The following PDE3A variants were observed in gnomAD, a reference collection of about 807,000 sequenced individuals.
PDE3A encodes cGMP-inhibited 3',5'-cyclic phosphodiesterase 3A.
In PDE3A, 43 loss-of-function variants were observed where a neutral mutation model predicts 98.3. The observed-to-expected ratio is 0.44, with a 90% CI of 0.34 to 0.56. The LOEUF (loss-of-function observed/expected upper bound fraction) is 0.56. PDE3A is among the 20% of genes least tolerant of loss of function. The probability of loss-of-function intolerance (pLI) is 0.01; values close to 1 mark genes in which losing one functional copy is unlikely to be tolerated. For synonymous variants in PDE3A, 663 were observed against 567.9 expected, an observed-to-expected ratio of 1.17 and a Z score of -2.38; for missense variants, 1,427 against 1,440.7, an observed-to-expected ratio of 0.99 and a Z score of 0.15.
intron 1 of PDE3A, among the ~76,000 whole-genome samples, chr12:20,532,911 C>T (rs1214783094): frequency 2.0e-5 from 3 of 152,012 alleles, no homozygotes; most frequent in East Asian, 1.9e-4. Flanking sequence ...CTCCTGACCT[C>T]GTGATCCGCC....
chr12:20,607,109 G>A (rs964906921), intron 2 of PDE3A, among the ~76,000 whole-genome samples: 1 of 151,816 alleles, frequency 6.6e-6, no homozygotes, highest in Non-Finnish European at 1.5e-5. Flanking sequence ...AAAGTAGACT[G>A]GATGAAGATA....
intron 1 of PDE3A, among the ~76,000 whole-genome samples, chr12:20,533,484 T>C (rs1002984628): frequency 2.7e-5 from 4 of 150,856 alleles, no homozygotes; most frequent in Middle Eastern, 3.4e-3. Flanking sequence ...TTTTCTTTTT[T>C]TTTTTTTTTT....
intron 10 of PDE3A, 58 bp from the exon 11 acceptor site, chr12:20,646,432 T>C (rs1213038640): frequency 1.1e-6 from 1 of 938,952 alleles, no homozygotes; most frequent in Non-Finnish European, 1.8e-6. Flanking sequence ...GATGGCACTC[T>C]TAGTTCTTGG....
In PDE3A at chr12:20,519,562, C is replaced by T. The variant is rs538686748; in HGVS notation, c.961-37098C>T. 9.2e-5 allele frequency among the ~76,000 whole-genome samples: 14 copies of T among 152,198 alleles called. No individual in the cohort carries two copies. The South Asian group carries it at 1.2e-3, about 14-fold the overall frequency. The stretch of plus-strand genomic sequence containing the variant: ...CATTAAGTTCTACATTTATGAAGTA[C>T]GCTTTGTGGAAAGTATTAATTTAAG... On this transcript the variant is annotated intron_variant, in intron 1 of 15. Coordinates refer to ENST00000359062, the MANE Select transcript of PDE3A (RefSeq NM_000921.5).
chr12:20,613,800 T>A, intron 3 of PDE3A, 100 bp downstream of exon 3: 1 of 814,912 alleles, frequency 1.2e-6, no homozygotes, highest in East Asian at 2.6e-5. Flanking sequence ...CAGATTCATA[T>A]CAGTGACTCA....
chr12:20,589,887 A>G (rs931548492), intron 2 of PDE3A, among the ~76,000 whole-genome samples: 3 of 151,712 alleles, frequency 2.0e-5, no homozygotes, highest in African/African-American at 4.8e-5. Flanking sequence ...AAAAAAAAAA[A>G]AAGAAAAAAA....
chr12:20,666,449 C>T (rs969712093), intron 15 of PDE3A, among the ~76,000 whole-genome samples: 4 of 152,166 alleles, frequency 2.6e-5, no homozygotes, highest in Non-Finnish European at 1.5e-5. Flanking sequence ...ACACCCTTCT[C>T]AGCTTCTGAT....
intron 1 of PDE3A, among the ~76,000 whole-genome samples, chr12:20,386,120 T>TAAAGATATATAA (rs1555140941): frequency 1.3e-5 from 1 of 76,194 alleles, no homozygotes; most frequent in Non-Finnish European, 2.2e-5. Context: ...TAAATATATA[T>TAAAGATATATAA]AAATATATAT....
chr12:20,654,643 C>T lies in PDE3A; in HGVS notation c.3184+438C>T, dbSNP rs578110949. ...TCCTGAGTAGCTGGGACTACAGGTG[C>T]GCAACACTACACCCGGCTTTTTTTT... On this transcript the variant is annotated intron_variant, in intron 15 of 15. Coordinates refer to ENST00000359062, the MANE Select transcript of PDE3A (RefSeq NM_000921.5). 1.5e-4 allele frequency among the ~76,000 whole-genome samples: 22 copies of T among 145,310 alleles called. No homozygotes were observed. The South Asian group carries it at 1.6e-3, about 11-fold the overall frequency.
At chr12:20,532,888 C>T (rs367849689) in intron 1 of PDE3A, among the ~76,000 whole-genome samples, 1 of 152,110 alleles carries the variant, frequency 6.6e-6, no homozygotes, top group African/African-American at 2.4e-5. Context: ...CGGGGTTTCA[C>T]CTTGGTCTCG....
intron 12 of PDE3A, among the ~76,000 whole-genome samples, chr12:20,648,472 C>G (rs1189444884): frequency 6.6e-6 from 1 of 151,638 alleles, no homozygotes; most frequent in African/African-American, 2.4e-5. Context: ...ACTAAGTTTT[C>G]AAGGAAAGGA....
intron 2 of PDE3A, among the ~76,000 whole-genome samples, chr12:20,586,997 TTGCAGG>T: frequency 6.6e-6 from 1 of 152,188 alleles, no homozygotes; most frequent in Admixed American, 6.5e-5. Flanking sequence ...ATTTGCTCAT[TTGCAGG>T]AACAGGCTAG....
At chr12:20,508,971 A>G (rs972461625) in intron 1 of PDE3A, among the ~76,000 whole-genome samples, 2 of 152,010 alleles carry the variant, frequency 1.3e-5, no homozygotes, top group Admixed American at 1.3e-4. Context: ...AAATTTCATT[A>G]TAATTTGTTG....
intron 1 of PDE3A, among the ~76,000 whole-genome samples, chr12:20,477,521 A>T (rs572279333): frequency 2.6e-4 from 39 of 152,184 alleles, no homozygotes; most frequent in Admixed American, 6.6e-4. Flanking sequence ...TCTAGCAAAG[A>T]TGCAAAATGT....
intron 1 of PDE3A, among the ~76,000 whole-genome samples, chr12:20,423,020 C>G (rs955591548): frequency 6.6e-6 from 1 of 152,030 alleles, no homozygotes; most frequent in African/African-American, 2.4e-5. Flanking sequence ...GAATGTATAG[C>G]CAATGAAGCC....
At chr12:20,643,755 T>A (rs1944700801) in intron 10 of PDE3A, among the ~76,000 whole-genome samples, 1 of 152,208 alleles carries the variant, frequency 6.6e-6, no homozygotes. Context: ...TGGCAGCTTT[T>A]CTTCTTGTAT....
rs2120497341 is a variant in PDE3A, at chr12:20,680,419, A to G, written c.*148A>G. ...GGGATTCTTCGCATTTTGTGTGTAT[A>G]TTTTTACAGTGAGGTACATTGTTAA... On this transcript the variant is annotated 3_prime_UTR_variant, in exon 16 of 16. Coordinates refer to ENST00000359062, the MANE Select transcript of PDE3A (RefSeq NM_000921.5). 1.2e-6 allele frequency: 1 copy of G among 816,652 alleles called. No individual in the cohort carries two copies. The highest frequency in any genetic ancestry group is 1.9e-6 in the Non-Finnish European group (1 of 521,660). 50.6% of individuals were successfully genotyped at this position (816,652 alleles called of 1,614,324 possible).
chr12:20,431,840 T>C (rs1445994076), intron 1 of PDE3A, among the ~76,000 whole-genome samples: 3 of 152,224 alleles, frequency 2.0e-5, no homozygotes, highest in Non-Finnish European at 4.4e-5. Flanking sequence ...ATAGGTTCAT[T>C]TAATAGTTTA....
intron 1 of PDE3A, among the ~76,000 whole-genome samples, chr12:20,422,613 A>G (rs1043625563): frequency 6.6e-6 from 1 of 152,216 alleles, no homozygotes; most frequent in Non-Finnish European, 1.5e-5. Context: ...CCATAATTTA[A>G]AAAGACATAT....
Sources: allele counts gnomAD v4.1 joint callset (sites outside exome capture counted in the v4.1 genomes callset), GRCh38; gene constraint gnomAD v4.1.1; transcripts MANE v1.5; gene names NCBI Gene and HGNC (gene_info 2026-07-23, HGNC 2026-07-21).